The following ADGRL2 variants were observed in gnomAD, a reference collection of about 807,000 sequenced individuals.
The protein encoded by ADGRL2 is adhesion G protein-coupled receptor L2.
ADGRL2 carries 44 observed loss-of-function variants against 157.4 expected under a neutral mutation model. The ratio of observed to expected loss-of-function variants is 0.28; its 90% CI spans 0.22 to 0.36. The LOEUF (loss-of-function observed/expected upper bound fraction) is 0.36, where lower values mean the gene tolerates loss of function less well. Ranked by LOEUF, ADGRL2 falls within the 10% of genes least tolerant of loss-of-function variation. The pLI, the probability that ADGRL2 is intolerant of heterozygous loss-of-function variation, is 1.00. For synonymous variants in ADGRL2, 585 were observed against 624.7 expected, an observed-to-expected ratio of 0.94 and a Z score of 0.95; for missense variants, 1,510 against 1,768.9, an observed-to-expected ratio of 0.85 and a Z score of 2.63.
intron 2 of ADGRL2, among the ~76,000 whole-genome samples, chr1:81,878,504 A>T (rs1228868330): frequency 6.6e-6 from 1 of 152,126 alleles, no homozygotes; most frequent in Non-Finnish European, 1.5e-5. Context: ...TCAGTTGTTC[A>T]CCCTGGATTT....
In ADGRL2 at chr1:81,986,947, C is replaced by T. The variant is rs757962181; in HGVS notation, c.3555C>T (p.His1185=). Residue 1185 remains histidine, a synonymous_variant, in exon 22 of 24, where the codon CAC becomes CAT. Transcript: ENST00000686636. ...YLLTNPLLRP[H]GTNNPYNTLL... ...TAACAAACCCTCTTCTTCGACCCCA[C>T]GGCACTAACAACCCCTATAACACAT... 8.1e-6 allele frequency: 13 copies of T among 1,611,206 alleles called. No individual in the cohort carries two copies. In the African/African-American group the frequency reaches 1.1e-4, roughly 13 times the overall value.
intron 3 of ADGRL2, among the ~76,000 whole-genome samples, chr1:81,643,541 T>G (rs1220042456): frequency 6.6e-6 from 1 of 152,132 alleles, no homozygotes; most frequent in Non-Finnish European, 1.5e-5. Context: ...GCCCCCAGAC[T>G]CAAGCAATCC....
intron 1 of ADGRL2, among the ~76,000 whole-genome samples, chr1:81,428,567 C>T (rs879378596): frequency 1.1e-4 from 17 of 152,020 alleles, no homozygotes; most frequent in African/African-American, 3.9e-4. Flanking sequence ...GCTTAAAGGC[C>T]CCCATTCATA....
intron 1 of ADGRL2, among the ~76,000 whole-genome samples, chr1:81,388,897 A>G (rs2076485840): frequency 6.6e-6 from 1 of 152,148 alleles, no homozygotes; most frequent in Admixed American, 6.6e-5. Flanking sequence ...TCTTTTGAGG[A>G]TTGGGGCTTT....
At chr1:81,510,605 A>T (rs548031569) in intron 2 of ADGRL2, among the ~76,000 whole-genome samples, 159 of 151,614 alleles carry the variant, frequency 1.0e-3, no homozygotes, top group African/African-American at 3.4e-3. Context: ...ATATTGATTT[A>T]AAAAAAAATC....
At chr1:81,368,297 T>C (rs1414098708) in intron 1 of ADGRL2, among the ~76,000 whole-genome samples, 2 of 152,240 alleles carry the variant, frequency 1.3e-5, no homozygotes, top group African/African-American at 4.8e-5. Flanking sequence ...GATCTTTTTA[T>C]CATATGTTTG....
Position 81,744,976 on chromosome 1 carries a change from A to G in ADGRL2, c.-142-16835A>G, listed in dbSNP as rs1389090172. Among the ~76,000 whole-genome samples the G allele has an allele frequency of 2.0e-5, 3 of 152,170 alleles. No individual in the cohort carries two copies. The East Asian group carries it at 5.8e-4, about 29-fold the overall frequency. On this transcript the variant is annotated intron_variant, in intron 1 of 20. Transcript: ENST00000359929. Reference sequence around the variant, plus strand: ...CAAGCACAGAAGGAAATAATTTGATAACAAACCAAAGTACTCCAGTGCCTC... The same window carrying G: ...CAAGCACAGAAGGAAATAATTTGATGACAAACCAAAGTACTCCAGTGCCTC...
intron 1 of ADGRL2, among the ~76,000 whole-genome samples, chr1:81,308,600 C>T (rs1659516138): frequency 6.6e-6 from 1 of 152,130 alleles, no homozygotes; most frequent in Non-Finnish European, 1.5e-5. Context: ...AACAATGAGA[C>T]ATTCTCTTTT....
intron 2 of ADGRL2, among the ~76,000 whole-genome samples, chr1:81,493,489 T>G (rs2078674759): frequency 6.6e-6 from 1 of 152,200 alleles, no homozygotes; most frequent in African/African-American, 2.4e-5. Flanking sequence ...GGCCTATTTC[T>G]CAAAAGTGTT....
intron 1 of ADGRL2, among the ~76,000 whole-genome samples, chr1:81,392,878 C>T (rs1333893314): frequency 3.9e-5 from 6 of 152,014 alleles, no homozygotes; most frequent in Admixed American, 3.3e-4. Flanking sequence ...TAATATAATC[C>T]ATCTCAACTT....
intron 2 of ADGRL2, among the ~76,000 whole-genome samples, chr1:81,887,619 C>T (rs2094156860): frequency 6.6e-6 from 1 of 152,144 alleles, no homozygotes; most frequent in Admixed American, 6.5e-5. Flanking sequence ...AAAATCTCTC[C>T]CAGTTCCAAC....
intron 2 of ADGRL2, among the ~76,000 whole-genome samples, chr1:81,521,243 C>T (rs980469349): frequency 1.3e-5 from 2 of 152,200 alleles, no homozygotes; most frequent in African/African-American, 4.8e-5. Flanking sequence ...ATTCCACTGT[C>T]TCTTGTGGCT....
chr1:81,968,482 G>A (rs906486220), intron 14 of ADGRL2, among the ~76,000 whole-genome samples: 1 of 152,154 alleles, frequency 6.6e-6, no homozygotes, highest in African/African-American at 2.4e-5. Context: ...AGCAGCAATA[G>A]GTCATACAAA....
chr1:81,674,529 C>T (rs1269385918), intron 3 of ADGRL2, among the ~76,000 whole-genome samples: 3 of 152,036 alleles, frequency 2.0e-5, no homozygotes, highest in African/African-American at 7.2e-5. Flanking sequence ...TTATTTGCGC[C>T]CAAGCAAAAG....
chr1:81,941,041 G>A (rs1647758378), intron 4 of ADGRL2, among the ~76,000 whole-genome samples: 2 of 151,088 alleles, frequency 1.3e-5, no homozygotes, highest in South Asian at 2.1e-4. Context: ...TGAATGCTCG[G>A]TATGATTGTT....
chr1:81,896,644 A>G (rs1375161469), intron 2 of ADGRL2, among the ~76,000 whole-genome samples: 1 of 152,142 alleles, frequency 6.6e-6, no homozygotes, highest in East Asian at 1.9e-4. Flanking sequence ...GTTCTTGAGT[A>G]TGTTTAACAT....
upstream of ADGRL2, among the ~76,000 whole-genome samples, chr1:81,698,086 G>A (rs532845453): frequency 4.2e-4 from 64 of 152,240 alleles, no homozygotes; most frequent in African/African-American, 1.4e-3. Flanking sequence ...AAGAGGAGAC[G>A]TAGAGAAAAA....
intron 1 of ADGRL2, among the ~76,000 whole-genome samples, chr1:81,411,807 G>C (rs909570080): frequency 1.3e-5 from 2 of 151,626 alleles, no homozygotes; most frequent in African/African-American, 4.8e-5. Context: ...GTGAACCCGG[G>C]AGGAGGAGCT....
intron 1 of ADGRL2, among the ~76,000 whole-genome samples, chr1:81,733,592 T>C (rs1328495991): frequency 6.6e-6 from 1 of 152,198 alleles, no homozygotes; most frequent in East Asian, 1.9e-4. Flanking sequence ...AAAGGCACTG[T>C]TTCCAAATAC....
Sources: allele counts gnomAD v4.1 joint callset (sites outside exome capture counted in the v4.1 genomes callset), GRCh38; gene constraint gnomAD v4.1.1; transcripts MANE v1.5; gene names NCBI Gene and HGNC (gene_info 2026-07-23, HGNC 2026-07-21).